The following CDK15 variants were observed in gnomAD, a reference collection of about 807,000 sequenced individuals.
The protein encoded by CDK15 is cyclin dependent kinase 15, also known as cyclin-dependent kinase 15.
In CDK15, 62 loss-of-function variants were observed where a neutral mutation model predicts 60.3. That is an observed-to-expected ratio of 1.03 (90% confidence interval 0.84 to 1.27). CDK15 has a LOEUF of 1.27. CDK15 is among the 50% of genes most tolerant of loss of function. The pLI, the probability that CDK15 is intolerant of heterozygous loss-of-function variation, is 0.00. For synonymous variants in CDK15, 194 were observed against 195.7 expected, an observed-to-expected ratio of 0.99 and a Z score of 0.07; for missense variants, 541 against 527.8, an observed-to-expected ratio of 1.03 and a Z score of -0.25.
At chr2:201,826,672 G>A (rs1696523704) in intron 6 of CDK15, among the ~76,000 whole-genome samples, 1 of 152,094 alleles carries the variant, frequency 6.6e-6, no homozygotes, top group South Asian at 2.1e-4. Context: ...TTCCATTAGT[G>A]CGTTATGAAA....
At chr2:201,832,886 T>C (rs1205446596) in intron 6 of CDK15, among the ~76,000 whole-genome samples, 1 of 152,256 alleles carries the variant, frequency 6.6e-6, no homozygotes, top group Non-Finnish European at 1.5e-5. Context: ...GGCCTAGCCC[T>C]TCCTTTCTGA....
In CDK15 at chr2:201,846,353, C is replaced by T. The variant is rs146677815; in HGVS notation, c.852-1028C>T. On this transcript the variant is annotated intron_variant, in intron 8 of 13. Transcript: ENST00000652192. ...ACTAAAAATACAAAAATTAGCCAGG[C>T]ATGGTGGCAGGTGCCTGTAATCCCA... 8.3e-3 allele frequency among the ~76,000 whole-genome samples: 1,265 copies of T among 152,084 alleles called. 12 individuals are homozygous for T. Among genetic ancestry groups the T allele is most frequent in the African/African-American group, 0.028 (1,168 of 41,480 alleles).
chr2:201,848,544 C>T (rs1697769792), intron 9 of CDK15, among the ~76,000 whole-genome samples: 1 of 152,044 alleles, frequency 6.6e-6, no homozygotes, highest in South Asian at 2.1e-4. Flanking sequence ...CAATAACTGC[C>T]CATCTTCCCT....
Position 201,812,548 on chromosome 2 carries a change from C to A in CDK15, c.434C>A (p.Thr145Lys). 1 of 1,612,160 alleles carries A rather than the reference C, an allele frequency of 6.2e-7. No individual in the cohort carries two copies. Among genetic ancestry groups the A allele is most frequent in the Non-Finnish European group, 8.5e-7 (1 of 1,178,604 alleles). Residue 145 changes from threonine to lysine, a missense_variant, in exon 4 of 14, where the codon ACA becomes AAA. Transcript: ENST00000652192. ...AATGCAGAGGAAGGAGTCCCATTTA[C>A]AGCTATCCGAGAAGGTAAGAACAGC... The part of the protein sequence containing the change: ...SMNAEEGVPF[T>K]AIREASLLKG...
intron 6 of CDK15, among the ~76,000 whole-genome samples, chr2:201,828,328 C>A (rs1003915825): frequency 1.3e-5 from 2 of 151,498 alleles, no homozygotes; most frequent in East Asian, 1.9e-4. Context: ...ACCAAAAGAG[C>A]AAATACACAA....
chr2:201,835,992 T>A (rs1574877395), intron 8 of CDK15, among the ~76,000 whole-genome samples: 1 of 116,446 alleles, frequency 8.6e-6, no homozygotes, highest in South Asian at 2.4e-4. Flanking sequence ...TTTTATATAT[T>A]TATATATATT....
At chr2:201,865,417 G>A (rs1698580404) in intron 10 of CDK15, among the ~76,000 whole-genome samples, 1 of 152,152 alleles carries the variant, frequency 6.6e-6, no homozygotes, top group South Asian at 2.1e-4. Flanking sequence ...GAGACCTCAG[G>A]AACAGGCTTT....
chr2:201,869,818 G>T (rs1050630691), intron 10 of CDK15, among the ~76,000 whole-genome samples: 8 of 152,176 alleles, frequency 5.3e-5, no homozygotes, highest in Non-Finnish European at 1.2e-4. Flanking sequence ...ATTGAAATTG[G>T]GAGATGACTG....
At chr2:201,890,965 A>G in intron 13 of CDK15, 38 bp downstream of exon 13, 1 of 1,118,276 alleles carries the variant, frequency 8.9e-7, no homozygotes. Flanking sequence ...TATGGAACAA[A>G]TTGAAAAGCA....
At chr2:201,860,797 G>A in intron 10 of CDK15, 1 of 1,352,194 alleles carries the variant, frequency 7.4e-7, no homozygotes, top group Non-Finnish European at 9.8e-7. Context: ...TCGTACTGCA[G>A]CAATGCAGCC....
chr2:201,871,546 T>C (rs912769938), intron 10 of CDK15, among the ~76,000 whole-genome samples: 12 of 151,942 alleles, frequency 7.9e-5, no homozygotes, highest in African/African-American at 2.9e-4. Context: ...CCCAAATGAA[T>C]TGTAAGCTCT....
At position 201,835,696 on chromosome 2, in the gene CDK15, A is replaced by G; in HGVS notation, c.784A>G (p.Thr262Ala). 6.2e-7 allele frequency: 1 copy of G among 1,611,068 alleles called. No individual in the cohort carries two copies. The highest frequency in any genetic ancestry group is 8.5e-7 in the Non-Finnish European group (1 of 1,178,280). ...PSQTYSSEVV[T>A]LWYRPPDALL... ...CCAGACATACTCTTCAGAAGTCGTGACCCTCTGGTACCGGCCCCCTGATGC... is the reference window on the plus strand; with the variant it reads ...CCAGACATACTCTTCAGAAGTCGTGGCCCTCTGGTACCGGCCCCCTGATGC... The change falls in exon 8 of 14, where the codon ACC becomes GCC. Residue 262 changes from threonine (T) to alanine (A), a missense_variant. Transcript: ENST00000652192.
chr2:201,828,508 A>C lies in CDK15; in HGVS notation c.606+4781A>C, dbSNP rs185642145. On this transcript the variant is annotated intron_variant, in intron 6 of 13. Transcript: ENST00000652192. ...TTTCAAGAAGGAGGGTATGGTGGAC[A>C]GTATTACAAGCATCAGGAATACAGC... 1.0e-3 allele frequency among the ~76,000 whole-genome samples: 152 copies of C among 151,872 alleles called. 1 individual carries two copies. Among genetic ancestry groups the C allele is most frequent in the Non-Finnish European group, 1.8e-4 (12 of 67,970 alleles).
intron 10 of CDK15, chr2:201,860,961 A>G (rs533862023): frequency 1.1e-5 from 13 of 1,235,982 alleles, no homozygotes; most frequent in Non-Finnish European, 1.4e-5. Flanking sequence ...GTTCTGAGCA[A>G]GTCTCTGTGT....
At chr2:201,877,733 C>T (rs1699133213) in intron 11 of CDK15, among the ~76,000 whole-genome samples, 2 of 152,158 alleles carry the variant, frequency 1.3e-5, no homozygotes, top group Admixed American at 1.3e-4. Context: ...GACTTCTACA[C>T]AATTCCTTTT....
rs184811205 is a variant in CDK15, at chr2:201,883,365, G to A, written c.1198+3198G>A. 1.2e-4 allele frequency among the ~76,000 whole-genome samples: 19 copies of A among 152,276 alleles called. No homozygotes were observed. The East Asian group carries it at 3.5e-3, about 28-fold the overall frequency. The stretch of plus-strand genomic sequence containing the variant: ...CAGCCTAAATCCCAGTGTAGGAGCG[G>A]CATAGAAATTCCACACAAAATGAAA... On this transcript the variant is annotated intron_variant, in intron 12 of 13. Coordinates refer to ENST00000652192, the MANE Select transcript of CDK15 (RefSeq NM_001366386.2).
At chr2:201,830,219 G>A (rs12693950) in intron 6 of CDK15, among the ~76,000 whole-genome samples, 96,320 of 151,938 alleles carry the variant, frequency 0.63, 31,313 homozygotes, top group Admixed American at 0.74. Context: ...GGGATTACAC[G>A]TGTGAGTCCC....
intron 10 of CDK15, among the ~76,000 whole-genome samples, chr2:201,856,933 C>T (rs924545943): frequency 1.7e-5 from 2 of 114,874 alleles, no homozygotes; most frequent in Non-Finnish European, 3.4e-5. Context: ...AATAAGATAA[C>T]TGGGTTCCGG....
intron 3 of CDK15, among the ~76,000 whole-genome samples, chr2:201,811,134 C>A (rs1695742889): frequency 7.0e-6 from 1 of 143,654 alleles, no homozygotes; most frequent in African/African-American, 2.6e-5. Flanking sequence ...TGAGCCACTG[C>A]GCCTGGCTGA....
Sources: allele counts gnomAD v4.1 joint callset (sites outside exome capture counted in the v4.1 genomes callset), GRCh38; gene constraint gnomAD v4.1.1; transcripts MANE v1.5; gene names NCBI Gene and HGNC (gene_info 2026-07-23, HGNC 2026-07-21).